Variants in CLASP1 observed in about 807,000 individuals in gnomAD.
The protein encoded by CLASP1 is cytoplasmic linker associated protein 1, also known as CLIP-associating protein 1.
Under a neutral mutation model 192.3 loss-of-function variants are expected in CLASP1, and 38 were observed. The observed-to-expected ratio is 0.20, with a 90% CI of 0.15 to 0.26. The LOEUF (loss-of-function observed/expected upper bound fraction) is 0.26, where lower values mean the gene tolerates loss of function less well. CLASP1 is among the 10% of genes least tolerant of loss of function. CLASP1 has a pLI of 1.00. For missense variants in CLASP1, 1,433 were observed against 1,932.5 expected, an observed-to-expected ratio of 0.74 and a Z score of 4.85; for synonymous variants, 691 against 712.8, an observed-to-expected ratio of 0.97 and a Z score of 0.49.
intron 4 of CLASP1, 57 bp downstream of exon 4, chr2:121,528,620 G>A (rs527763651): frequency 3.2e-5 from 42 of 1,313,058 alleles, no homozygotes; most frequent in Middle Eastern, 1.8e-4. Context: ...ACACACCCTC[G>A]CACGTGCATG....
chr2:121,525,615 A>C (rs2094556456), intron 6 of CLASP1, among the ~76,000 whole-genome samples: 2 of 152,178 alleles, frequency 1.3e-5, no homozygotes, highest in South Asian at 4.1e-4. Flanking sequence ...TGTGTATAGA[A>C]GAGGACAGAC....
chr2:121,478,212 G>C (rs1553567182), intron 8 of CLASP1, among the ~76,000 whole-genome samples: 2 of 152,032 alleles, frequency 1.3e-5, no homozygotes, highest in Middle Eastern at 6.8e-3. Flanking sequence ...TATAATAAAA[G>C]ACAAAAAACA....
At chr2:121,569,293 A>T (rs2059779445) in intron 2 of CLASP1, among the ~76,000 whole-genome samples, 1 of 152,206 alleles carries the variant, frequency 6.6e-6, no homozygotes, top group Non-Finnish European at 1.5e-5. Context: ...ATGATAGGAT[A>T]TAGCTCATAA....
intron 1 of CLASP1, among the ~76,000 whole-genome samples, chr2:121,611,560 G>C (rs2065498170): frequency 7.1e-6 from 1 of 140,964 alleles, no homozygotes; most frequent in African/African-American, 2.7e-5. Flanking sequence ...ACTGGAGGAG[G>C]AAGAGGAGTT....
intron 30 of CLASP1, among the ~76,000 whole-genome samples, chr2:121,394,406 C>T (rs892582585): frequency 2.6e-5 from 4 of 152,318 alleles, no homozygotes; most frequent in African/African-American, 4.8e-5. Flanking sequence ...CGCTTTCTTT[C>T]TTTCAGTACC....
chr2:121,389,085 A>G (rs968478229), intron 30 of CLASP1, among the ~76,000 whole-genome samples: 1 of 152,210 alleles, frequency 6.6e-6, no homozygotes, highest in Non-Finnish European at 1.5e-5. Context: ...CAAAAACCCA[A>G]AGGTATTTAA....
chr2:121,441,093 G>A (rs968353326), intron 19 of CLASP1, among the ~76,000 whole-genome samples: 13 of 152,114 alleles, frequency 8.5e-5, no homozygotes, highest in African/African-American at 1.2e-4. Flanking sequence ...TTCACCCTGC[G>A]TACCAAGTGT....
At chr2:121,574,492 G>A (rs1163613661) in intron 2 of CLASP1, among the ~76,000 whole-genome samples, 3 of 151,696 alleles carry the variant, frequency 2.0e-5, no homozygotes, top group Admixed American at 6.6e-5. Context: ...AAAATTAGCT[G>A]AGCGTGGTGG....
At chr2:121,345,128 C>G (rs755468736) in intron 39 of CLASP1, among the ~76,000 whole-genome samples, 1 of 152,182 alleles carries the variant, frequency 6.6e-6, no homozygotes, top group Non-Finnish European at 1.5e-5. Context: ...GCCTGGGTGA[C>G]AGAGCGAGGC....
chr2:121,490,684 T>C (rs747416430), intron 8 of CLASP1, among the ~76,000 whole-genome samples: 7 of 152,252 alleles, frequency 4.6e-5, no homozygotes, highest in African/African-American at 1.4e-4. Flanking sequence ...CTGCAGCTTA[T>C]GCGACTTATG....
chr2:121,436,063 ACT>A (rs1484405802), intron 19 of CLASP1, among the ~76,000 whole-genome samples: 2 of 142,012 alleles, frequency 1.4e-5, no homozygotes, highest in East Asian at 4.1e-4. Context: ...ACAGAACTTT[ACT>A]CTGTCACCCA....
At chr2:121,525,864 A>G in exon 6 of CLASP1, 1 of 1,613,294 alleles carries the variant, frequency 6.2e-7, no homozygotes, top group Non-Finnish European at 8.5e-7. Context: ...TGGATCTCCA[A>G]GTAAGTTGCA....
intron 1 of CLASP1, among the ~76,000 whole-genome samples, chr2:121,611,122 GAGGAGGAGTTAC>G (rs1253494598): frequency 8.5e-4 from 121 of 143,016 alleles, no homozygotes; most frequent in African/African-American, 2.8e-3. Context: ...ACTGGAGGAG[GAGGAGGAGTTAC>G]AGGAGGAAGA....
At position 121,530,962 on chromosome 2, in the gene CLASP1, G is replaced by A. The variant is rs187757075; in HGVS notation, c.196-637C>T. ...CTGCTAACGCCTGAACAACACACCC[G>A]CATCAACTAGAGCTTTTGCTTTATT... On this transcript the variant is annotated intron_variant, in intron 2 of 39. Coordinates refer to ENST00000263710, the Ensembl canonical transcript of CLASP1. 7.3e-4 allele frequency: 513 copies of A among 700,378 alleles called. No homozygotes were observed. The highest frequency in any genetic ancestry group is 9.8e-4 in the Non-Finnish European group (379 of 384,798). The allele number at this position is 700,378 out of a possible 1,614,324, so 43.4% of individuals were successfully genotyped here.
intron 13 of CLASP1, 137 bp downstream of exon 13, chr2:121,458,703 T>C: frequency 5.0e-6 from 3 of 596,952 alleles, no homozygotes; most frequent in Admixed American, 3.9e-5. Flanking sequence ...AGATGATATA[T>C]ATACAAAATT....
intron 32 of CLASP1, among the ~76,000 whole-genome samples, chr2:121,384,195 T>C (rs114514102): frequency 0.041 from 6,168 of 149,094 alleles, 166 homozygotes; most frequent in East Asian, 0.14. Context: ...CACACACACA[T>C]TTTTTGTTTT....
rs567414024 is a variant in CLASP1 at position 121,447,407 on chromosome 2, G to A, written c.1842C>T (p.Val614=). The A allele has an allele frequency of 3.4e-5, 53 of 1,576,442 alleles. No homozygotes were observed. In the South Asian group the frequency reaches 5.3e-4, roughly 16 times the overall value. Residue 614 remains valine (V), a synonymous_variant, in exon 19 of 40, where the codon GTC becomes GTT. Coordinates refer to ENST00000263710, the Ensembl canonical transcript of CLASP1. ...AAGGCGTCGTGCCCGAAGATGAGGAGACTTTGGATTTGGCACTGGCTGCTG... is the reference window on the plus strand; with the variant it reads ...AAGGCGTCGTGCCCGAAGATGAGGAAACTTTGGATTTGGCACTGGCTGCTG...
At chr2:121,409,084 C>G (rs1169630010) in intron 24 of CLASP1, 1 of 1,528,042 alleles carries the variant, frequency 6.5e-7, no homozygotes, top group Non-Finnish European at 8.9e-7. Context: ...GGGGAAAAAG[C>G]ATAGAGAATT....
At chr2:121,579,072 T>C (rs902036599) in intron 2 of CLASP1, among the ~76,000 whole-genome samples, 1 of 152,184 alleles carries the variant, frequency 6.6e-6, no homozygotes, top group African/African-American at 2.4e-5. Flanking sequence ...TCTTTGAAAA[T>C]ACAGTATTAT....
Sources: gnomAD v4.1 joint callset for allele counts (sites outside exome capture counted in the v4.1 genomes callset) on GRCh38, gnomAD v4.1.1 for gene constraint, MANE v1.5 for transcripts, NCBI Gene and HGNC (gene_info 2026-07-23, HGNC 2026-07-21) for gene names.